Variants in MDN1 observed in about 807,000 individuals in gnomAD.
The protein encoded by MDN1 is midasin.
MDN1 carries 266 observed loss-of-function variants against 669.2 expected under a neutral mutation model. The observed-to-expected ratio is 0.40, with a 90% CI of 0.36 to 0.44. MDN1 has a LOEUF of 0.44. MDN1 is among the 20% of genes least tolerant of loss of function. The pLI is 1.00. For synonymous variants in MDN1, 2,385 were observed against 2,457.1 expected (o/e 0.97, Z 0.87); for missense variants, 5,940 against 6,754.0 (o/e 0.88, Z 4.22).
Position 89,786,266 on chromosome 6 carries a change from T to A in MDN1, c.1335-1140A>T, listed in dbSNP as rs544750648. On this transcript the variant is annotated intron_variant, in intron 8 of 101. Transcript: ENST00000369393. The stretch of plus-strand genomic sequence containing the variant: ...GAGTGAGACTCGGTCTCAAAAAAAA[T>A]TAATTAAATAAAATAAAAAATCAAG... 5.4e-3 allele frequency among the ~76,000 whole-genome samples: 821 copies of A among 151,520 alleles called. 9 individuals carry two copies. The highest frequency in any genetic ancestry group is 0.019 in the African/African-American group (780 of 41,278).
chr6:89,710,952 A>T (rs1229577523), intron 49 of MDN1, among the ~76,000 whole-genome samples, 158 bp from the exon 50 acceptor site: 5 of 152,196 alleles, frequency 3.3e-5, no homozygotes, highest in Non-Finnish European at 5.9e-5. Flanking sequence ...TGGATTTTTT[A>T]TTTTTTTAAA....
Position 89,758,183 on chromosome 6 carries a change from T to G in MDN1, c.2702+72A>C, listed in dbSNP as rs182605295. On this transcript the variant is annotated intron_variant, in intron 19 of 101. Transcript: ENST00000369393. Reference sequence around the variant, plus strand: ...TTGCAGTGAGCCAAGATCACGCCACTGCACTCCAACCTGGGCAACAGAGCA... The same window carrying G: ...TTGCAGTGAGCCAAGATCACGCCACGGCACTCCAACCTGGGCAACAGAGCA... 321 of 1,245,792 alleles carry G rather than the reference T, an allele frequency of 2.6e-4. 4 individuals are homozygous for G. In the African/African-American group the frequency reaches 4.4e-3, roughly 17 times the overall value. 77.2% of individuals were successfully genotyped at this position (1,245,792 alleles called of 1,614,324 possible). A position where few individuals can be genotyped will look rare whatever the true frequency, so the allele number is the denominator to read the frequency against.
rs757100086 is a variant in MDN1, at chr6:89,674,139, A to G, written c.13212T>C (p.Ile4404=). The G allele has an allele frequency of 5.0e-6, 8 of 1,614,070 alleles. No homozygotes were observed. The South Asian group carries it at 8.8e-5, about 18-fold the overall frequency. ...AGAGAGTCTCACAAGACTGCTGTCTAATTTTGTCGACGTCAGCTTTCACTG... is the reference window on the plus strand; with the variant it reads ...AGAGAGTCTCACAAGACTGCTGTCTGATTTTGTCGACGTCAGCTTTCACTG... ...IKTVKADVDK[I]RQQSCETLFH... is the part of the protein sequence containing the mutation. The change falls in exon 79 of 102, where the codon ATT becomes ATC. Residue 4404 remains isoleucine (I), a synonymous_variant. Coordinates refer to ENST00000369393, the MANE Select transcript of MDN1 (RefSeq NM_014611.3).
chr6:89,715,753 G>A lies in MDN1; in HGVS notation c.6760C>T (p.Arg2254Cys), dbSNP rs1260154149. 1.9e-6 allele frequency: 3 copies of A among 1,610,592 alleles called. No individual in the cohort carries two copies. The highest frequency in any genetic ancestry group is 3.3e-5 in the Admixed American group (2 of 59,984). Residue 2254 changes from arginine (R) to cysteine (C), a missense_variant, in exon 45 of 102, where the codon CGT (arginine) becomes TGT (cysteine). This residue lies in a region of MDN1 where 2,292 missense variants were observed against 2,638.3 expected (regional missense o/e 0.87). Transcript: ENST00000369393. ...CCGGGTTCAAGCAAAGCATTCAAAC[G>A]ATCCAACACTGATGGGCTGCAGAGA... is the stretch of plus-strand genomic sequence containing the variant. ...VNFCNPSVLD[R>C]LNALLEPGGV...
chr6:89,797,780 C>A, intron 2 of MDN1: 1 of 302,754 alleles, frequency 3.3e-6, no homozygotes, highest in Non-Finnish European at 6.6e-6. Context: ...GGCCTACTGC[C>A]AATAAAGGGA....
At chr6:89,752,747 C>T (rs1817019278) in intron 22 of MDN1, among the ~76,000 whole-genome samples, 1 of 151,984 alleles carries the variant, frequency 6.6e-6, no homozygotes, top group South Asian at 2.1e-4. Flanking sequence ...GCTATGTGGC[C>T]CTTAGAAGGC....
chr6:89,774,900 C>T (rs958119979), intron 12 of MDN1, among the ~76,000 whole-genome samples, 167 bp from the exon 13 acceptor site: 4 of 152,040 alleles, frequency 2.6e-5, no homozygotes, highest in African/African-American at 9.7e-5. Flanking sequence ...TTTCATTTTC[C>T]AAACTTCTAT....
rs760451051 is a variant in MDN1 at position 89,727,919 on chromosome 6, C to G, written c.5386G>C (p.Glu1796Gln). ...GCAAACTCTCCTCCCTTGCCACCTTCAACAGGTAGATCTGCTCCAAACAGG... is the reference window on the plus strand; with the variant it reads ...GCAAACTCTCCTCCCTTGCCACCTTGAACAGGTAGATCTGCTCCAAACAGG... ...TDLFGADLPV[E>Q]GGKGGEFAWR... The change falls in exon 37 of 102, where the codon GAA becomes CAA. Residue 1796 changes from glutamate (E) to glutamine (Q), a missense_variant. By Grantham distance (29) the Glu-to-Gln change is conservative. This residue lies in a region of MDN1 where 2,292 missense variants were observed against 2,638.3 expected (regional missense o/e 0.87). Coordinates refer to ENST00000369393, the MANE Select transcript of MDN1 (RefSeq NM_014611.3). 6.2e-7 allele frequency: 1 copy of G among 1,613,966 alleles called. No individual in the cohort carries two copies. Among genetic ancestry groups the G allele is most frequent in the South Asian group, 1.1e-5 (1 of 91,076 alleles).
At chr6:89,724,869 A>T (rs1031054583) in intron 38 of MDN1, among the ~76,000 whole-genome samples, 1 of 152,112 alleles carries the variant, frequency 6.6e-6, no homozygotes, top group African/African-American at 2.4e-5. Context: ...TTCAATAAAA[A>T]TTTTTCTTAT....
intron 91 of MDN1, 43 bp from the exon 92 acceptor site, chr6:89,656,011 A>C (rs1215992473): frequency 1.3e-6 from 2 of 1,558,858 alleles, no homozygotes; most frequent in African/African-American, 2.7e-5. Context: ...GCCTGTCATG[A>C]CAAAAGGACT....
chr6:89,706,247 T>G, intron 52 of MDN1, 55 bp from the exon 53 acceptor site: 3 of 1,532,476 alleles, frequency 2.0e-6, no homozygotes, highest in Non-Finnish European at 2.7e-6. Context: ...AAATAATCTC[T>G]GGACATTTTC....
intron 1 of MDN1, among the ~76,000 whole-genome samples, chr6:89,812,982 C>A (rs568690612): frequency 6.6e-6 from 1 of 151,818 alleles, no homozygotes; most frequent in African/African-American, 2.4e-5. Context: ...TTGTTGTTGC[C>A]CAGGCTGGAG....
At chr6:89,705,931 TTAAGAA>T (rs1004678563) in intron 53 of MDN1, 122 bp downstream of exon 53, 33 of 807,448 alleles carry the variant, frequency 4.1e-5, no homozygotes, top group Non-Finnish European at 5.0e-5. Flanking sequence ...TTTAAAACTG[TTAAGAA>T]TAAGTTTCTT....
chr6:89,675,578 T>G lies in MDN1; in HGVS notation c.12647A>C (p.Glu4216Ala), dbSNP rs1393699963. The G allele has an allele frequency of 6.2e-7, 1 of 1,613,158 alleles. No homozygotes were observed. Among genetic ancestry groups the G allele is most frequent in the South Asian group, 1.1e-5 (1 of 90,974 alleles). Residue 4216 changes from glutamate (E) to alanine (A), a missense_variant and splice_region_variant, in exon 78 of 102, where the codon GAA becomes GCA. This residue lies in a region of MDN1 where 2,280 missense variants were observed against 2,576.3 expected (regional missense o/e 0.88). Coordinates refer to ENST00000369393, the MANE Select transcript of MDN1 (RefSeq NM_014611.3). ...LNAALATPAK[E>A]MGMGNVERCR... ...CCTCTCCACGTTGCCCATGCCCATTTCCTGGCAGAAGAAGGAAAAACATGC... is the reference window on the plus strand; with the variant it reads ...CCTCTCCACGTTGCCCATGCCCATTGCCTGGCAGAAGAAGGAAAAACATGC...
chr6:89,758,347 T>C lies in MDN1; in HGVS notation c.2610A>G (p.Pro870=). The change falls in exon 19 of 102, where the codon CCA becomes CCG. Residue 870 remains proline, a synonymous_variant. Coordinates refer to ENST00000369393, the MANE Select transcript of MDN1 (RefSeq NM_014611.3). Reference sequence around the variant, plus strand: ...AACGGAAGTCAGGATGCCGAACCAGTGGCTCTGTTAAGAGAAAATTACAAA... The same window carrying C: ...AACGGAAGTCAGGATGCCGAACCAGCGGCTCTGTTAAGAGAAAATTACAAA... ...LVLLDRGDTE[P]LVRHPDFRLF... The C allele has an allele frequency of 1.2e-6, 2 of 1,605,690 alleles. No homozygotes were observed. Among genetic ancestry groups the C allele is most frequent in the African/African-American group, 1.3e-5 (1 of 75,018 alleles).
rs745514848 is a variant in MDN1 at position 89,772,770 on chromosome 6, T to C, written c.1935-49A>G. The C allele has an allele frequency of 4.4e-6, 7 of 1,593,604 alleles. 1 individual carries two copies. In the Middle Eastern group the frequency reaches 8.7e-4, roughly 199 times the overall value. On this transcript the variant is annotated intron_variant, in intron 13 of 101. Transcript: ENST00000369393. ...TAAAAACCACGCTGCAAGCTTCTCC[T>C]AGTTTTGCTCTGGGAAACCATATAT...
rs1461476471 is a variant in MDN1 at position 89,750,577 on chromosome 6, T to TA, written c.3228-46dup. The TA allele has an allele frequency of 2.6e-6, 4 of 1,546,520 alleles. No individual in the cohort carries two copies. The African/African-American group carries it at 5.5e-5, about 21-fold the overall frequency. ...TAAGCAACTTAAAACAACAAAAAAT[T>TA]ACAAAGCTGAGAAACCAGAACTGAG... On this transcript the variant is annotated intron_variant, in intron 23 of 101. Transcript: ENST00000369393.
chr6:89,746,593 CAAAAAAAAAA>C (rs34446722), intron 27 of MDN1, among the ~76,000 whole-genome samples: 1 of 65,600 alleles, frequency 1.5e-5, no homozygotes, highest in Non-Finnish European at 2.8e-5. Flanking sequence ...GACTCTATCT[CAAAAAAAAAA>C]AAAAAAAAAA....
intron 97 of MDN1, 65 bp from the exon 98 acceptor site, chr6:89,648,394 A>AT (rs1219110096): frequency 1.1e-5 from 16 of 1,463,926 alleles, no homozygotes; most frequent in African/African-American, 2.8e-5. Context: ...CCTCTCAACT[A>AT]TTTTTTGCAT....
Sources: gnomAD v4.1 joint callset for allele counts (sites outside exome capture counted in the v4.1 genomes callset) on GRCh38, gnomAD v4.1.1 for gene constraint, gnomAD v4.1.1 regional missense constraint, MANE v1.5 for transcripts, NCBI Gene and HGNC (gene_info 2026-07-23, HGNC 2026-07-21) for gene names.